AGTPBP1: variants seen among roughly 807,000 people sequenced by gnomAD.
AGTPBP1 encodes ATP/GTP binding carboxypeptidase 1, also known as cytosolic carboxypeptidase 1.
A neutral mutation model predicts 143.9 loss-of-function variants in AGTPBP1; 70 were observed. The observed-to-expected ratio is 0.49, with a 90% CI of 0.40 to 0.59. The LOEUF (loss-of-function observed/expected upper bound fraction) is 0.59, where lower values mean the gene tolerates loss of function less well. Among genes scored for constraint, AGTPBP1 ranks in the 20% least tolerant of loss-of-function variants. The probability of loss-of-function intolerance (pLI) is 0.00; values close to 1 mark genes in which losing one functional copy is unlikely to be tolerated. For synonymous variants in AGTPBP1, 463 were observed against 500.2 expected, an observed-to-expected ratio of 0.93 and a Z score of 0.99; for missense variants, 1,229 against 1,464.5, an observed-to-expected ratio of 0.84 and a Z score of 2.62.
intron 1 of AGTPBP1, among the ~76,000 whole-genome samples, chr9:85,733,264 TA>T (rs1839008064): frequency 6.6e-6 from 1 of 152,194 alleles, no homozygotes; most frequent in Non-Finnish European, 1.5e-5. Context: ...AAAAGATATT[TA>T]TCATACAAAG....
the AGTPBP1 span, among the ~76,000 whole-genome samples, chr9:85,777,151 T>C: frequency 6.6e-6 from 1 of 151,980 alleles, no homozygotes; most frequent in Non-Finnish European, 1.5e-5. Flanking sequence ...AGCCATAAAG[T>C]GAGTAACTTG....
At chr9:85,711,280 C>G (rs978560639) in intron 2 of AGTPBP1, among the ~76,000 whole-genome samples, 1 of 152,138 alleles carries the variant, frequency 6.6e-6, no homozygotes, top group Non-Finnish European at 1.5e-5. Context: ...ATTTGCTCAT[C>G]ACTGTATAGC....
intron 1 of AGTPBP1, among the ~76,000 whole-genome samples, chr9:85,734,113 C>A (rs1382375320): frequency 1.3e-5 from 2 of 152,004 alleles, no homozygotes; most frequent in Non-Finnish European, 2.9e-5. Flanking sequence ...ATTAGCTGGG[C>A]GTGGTGGCGC....
chr9:85,643,511 C>T (rs1406864804), intron 12 of AGTPBP1, among the ~76,000 whole-genome samples: 1 of 152,070 alleles, frequency 6.6e-6, no homozygotes, highest in Non-Finnish European at 1.5e-5. Context: ...TCACACACTG[C>T]CCCAATACAG....
At chr9:85,599,227 CAG>C (rs1439848270) in intron 17 of AGTPBP1, among the ~76,000 whole-genome samples, 4 of 150,562 alleles carry the variant, frequency 2.7e-5, no homozygotes, top group Non-Finnish European at 5.9e-5. Flanking sequence ...GGAAGAGAGG[CAG>C]AGAGAGATCC....
intron 14 of AGTPBP1, among the ~76,000 whole-genome samples, chr9:85,623,573 T>C (rs1831080525): frequency 2.0e-5 from 3 of 152,050 alleles, no homozygotes; most frequent in Non-Finnish European, 4.4e-5. Context: ...CTGGCCAACA[T>C]GGTGAAACCC....
intron 14 of AGTPBP1, among the ~76,000 whole-genome samples, chr9:85,631,756 T>A (rs1831692133): frequency 6.6e-6 from 1 of 152,230 alleles, no homozygotes; most frequent in African/African-American, 2.4e-5. Flanking sequence ...ACTATACTTG[T>A]AACAAGGGTA....
chr9:85,547,507 G>C (rs1825800097), intron 25 of AGTPBP1, among the ~76,000 whole-genome samples: 5 of 152,208 alleles, frequency 3.3e-5, no homozygotes, highest in Admixed American at 2.0e-4. Flanking sequence ...TATTACAAGA[G>C]TATCAATATA....
At chr9:85,761,055 C>G in the AGTPBP1 span, among the ~76,000 whole-genome samples, 1 of 152,090 alleles carries the variant, frequency 6.6e-6, no homozygotes, top group Admixed American at 6.6e-5. Context: ...ACCTAGGAAT[C>G]CAACTTAGAA....
intron 8 of AGTPBP1, among the ~76,000 whole-genome samples, chr9:85,668,950 AATAC>A (rs1422593121): frequency 6.9e-6 from 1 of 144,004 alleles, no homozygotes; most frequent in East Asian, 2.0e-4. Flanking sequence ...AATGAATAAA[AATAC>A]ATACATACAT....
At chr9:85,557,688 A>T (rs1826439141) in intron 25 of AGTPBP1, among the ~76,000 whole-genome samples, 1 of 152,232 alleles carries the variant, frequency 6.6e-6, no homozygotes, top group African/African-American at 2.4e-5. Flanking sequence ...GCTAAGTATT[A>T]GACACTACTG....
Position 85,655,694 on chromosome 9 carries a change from C to CA in AGTPBP1, c.910-375dup, listed in dbSNP as rs11366562. Among the ~76,000 whole-genome samples the CA allele has an allele frequency of 2.8e-3, 418 of 148,634 alleles. 7 individuals are homozygous for CA. Among genetic ancestry groups the CA allele is most frequent in the Admixed American group, 0.019 (285 of 14,962 alleles). On this transcript the variant is annotated intron_variant, in intron 10 of 25. Transcript: ENST00000357081. ...TTAAAAGGTGTAAGAAATTAAAAAACAAAAAAAAAAACACGCATTTGACCA... is the reference window on the plus strand; with the variant it reads ...TTAAAAGGTGTAAGAAATTAAAAAACAAAAAAAAAAAACACGCATTTGACCA...
chr9:85,608,866 G>A (rs1222942335), intron 17 of AGTPBP1, among the ~76,000 whole-genome samples: 2 of 152,076 alleles, frequency 1.3e-5, no homozygotes, highest in Non-Finnish European at 2.9e-5. Flanking sequence ...CAGGAGGATG[G>A]AAGGAAGAAT....
chr9:85,685,206 C>T (rs1347594827), intron 3 of AGTPBP1, among the ~76,000 whole-genome samples: 1 of 151,594 alleles, frequency 6.6e-6, no homozygotes, highest in Non-Finnish European at 1.5e-5. Flanking sequence ...AGAAAAAAAA[C>T]TGAGCAACCA....
chr9:85,673,786 T>G (rs1834643370), intron 6 of AGTPBP1, among the ~76,000 whole-genome samples: 1 of 152,068 alleles, frequency 6.6e-6, no homozygotes, highest in African/African-American at 2.4e-5. Context: ...AATCTGCACT[T>G]GTACTCCACT....
At chr9:85,575,569 ATTAAT>A (rs926897523) in intron 24 of AGTPBP1, 94 bp from the exon 25 acceptor site, 1 of 1,014,954 alleles carries the variant, frequency 9.9e-7, no homozygotes, top group African/African-American at 1.7e-5. Flanking sequence ...TTATAACTAT[ATTAAT>A]AAAATTAAAA....
Position 85,681,276 on chromosome 9 carries a change from T to A in AGTPBP1, c.217A>T (p.Thr73Ser), listed in dbSNP as rs1835154473. ...GSTGMEILLS[T>S]LENTKDLQTT... ...GCGTGTCACTGATTTACCTCTAATG[T>A]TGACAGCAGAATTTCCATTCCTGTA... is the stretch of plus-strand genomic sequence containing the variant. Residue 73 changes from threonine (T) to serine (S), a missense_variant, in exon 4 of 26, where the codon ACA becomes TCA. Physicochemically the swap from Thr to Ser is moderately conservative, Grantham distance 58 (BLOSUM62 1). This residue lies in a region of AGTPBP1 where 743 missense variants were observed against 812.2 expected (regional missense o/e 0.91). Coordinates refer to ENST00000357081, the MANE Select transcript of AGTPBP1 (RefSeq NM_001330701.2). 6.2e-7 allele frequency: 1 copy of A among 1,613,060 alleles called. No homozygotes were observed. The highest frequency in any genetic ancestry group is 8.5e-7 in the Non-Finnish European group (1 of 1,179,782).
chr9:85,724,897 T>C (rs1838372469), intron 1 of AGTPBP1, among the ~76,000 whole-genome samples: 1 of 152,216 alleles, frequency 6.6e-6, no homozygotes, highest in Non-Finnish European at 1.5e-5. Flanking sequence ...AAAAAAATTT[T>C]ACTACACAAA....
the AGTPBP1 span, among the ~76,000 whole-genome samples, chr9:85,794,318 A>C: frequency 6.4e-4 from 98 of 152,278 alleles, no homozygotes; most frequent in African/African-American, 2.3e-3. Context: ...GTCTTTGATC[A>C]ATTTTGAATT....
Sources: gnomAD v4.1 joint callset for allele counts (sites outside exome capture counted in the v4.1 genomes callset) on GRCh38, gnomAD v4.1.1 for gene constraint, gnomAD v4.1.1 regional missense constraint, MANE v1.5 for transcripts, NCBI Gene and HGNC (gene_info 2026-07-23, HGNC 2026-07-21) for gene names.